CDC40: variants seen among roughly 807,000 people sequenced by gnomAD.
CDC40 encodes the protein pre-mRNA-processing factor 17.
CDC40 carries 27 observed loss-of-function variants against 80.6 expected under a neutral mutation model. The ratio of observed to expected loss-of-function variants is 0.33; its 90% CI spans 0.25 to 0.46. The LOEUF is 0.46. Ranked by LOEUF, CDC40 falls within the 20% of genes least tolerant of loss-of-function variation. The pLI, the probability that CDC40 is intolerant of heterozygous loss-of-function variation, is 1.00. For synonymous variants in CDC40, 221 were observed against 232.6 expected (o/e 0.95, Z 0.45); for missense variants, 486 against 694.1 (o/e 0.70, Z 3.37).
intron 14 of CDC40, 146 bp downstream of exon 14, chr6:110,229,122 A>G (rs1422103782): frequency 1.3e-6 from 1 of 779,538 alleles, no homozygotes; most frequent in African/African-American, 1.9e-5. Context: ...AATGCTGGAT[A>G]TAAAGGCAAG....
chr6:110,219,424 A>T lies in CDC40; in HGVS notation c.1151A>T (p.Asp384Val), dbSNP rs746280076. 1.9e-6 allele frequency: 3 copies of T among 1,611,014 alleles called. No homozygotes were observed. Among genetic ancestry groups the T allele is most frequent in the Non-Finnish European group, 2.5e-6 (3 of 1,177,432 alleles). Reference protein sequence around the residue: ...KVPYCVKFNPDEDKQNLFVAG... With the variant: ...KVPYCVKFNPVEDKQNLFVAG... The stretch of plus-strand genomic sequence containing the variant: ...CCTTATTGTGTCAAATTCAATCCTG[A>T]TGAAGATAAGCAAAATCTCTTTGTG... Residue 384 changes from aspartate to valine, a missense_variant, in exon 11 of 15, where the codon GAT (aspartate) becomes GTT (valine). By Grantham distance (152) the Asp-to-Val change is radical. Coordinates refer to ENST00000307731, the MANE Select transcript of CDC40 (RefSeq NM_015891.3).
intron 4 of CDC40, among the ~76,000 whole-genome samples, chr6:110,208,705 C>G (rs977366224): frequency 6.6e-6 from 1 of 152,100 alleles, no homozygotes; most frequent in Non-Finnish European, 1.5e-5. Context: ...TATTACTTAG[C>G]AATAATGAGT....
At chr6:110,198,185 T>C (rs1777443245) in intron 2 of CDC40, among the ~76,000 whole-genome samples, 1 of 151,734 alleles carries the variant, frequency 6.6e-6, no homozygotes, top group Non-Finnish European at 1.5e-5. Flanking sequence ...TTGACTTTTT[T>C]TTTTTTTTTT....
At chr6:110,208,086 G>A (rs925689383) in intron 4 of CDC40, among the ~76,000 whole-genome samples, 3 of 152,094 alleles carry the variant, frequency 2.0e-5, no homozygotes, top group South Asian at 2.1e-4. Context: ...AACATCATAC[G>A]CTAAACGCTA....
intron 13 of CDC40, 52 bp from the exon 14 acceptor site, chr6:110,228,780 T>C: frequency 7.0e-7 from 1 of 1,432,242 alleles, no homozygotes; most frequent in Non-Finnish European, 9.4e-7. Context: ...ATAAAAAGTT[T>C]TAAAAATTGT....
chr6:110,219,476 G>A lies in CDC40; in HGVS notation c.1203G>A (p.Val401=), dbSNP rs747663076. ...CTGGGATGTCTGATAAGAAGATTGTGCAAGTAAGTCTTTCACAGTATTTTG... is the reference window on the plus strand; with the variant it reads ...CTGGGATGTCTGATAAGAAGATTGTACAAGTAAGTCTTTCACAGTATTTTG... ...FVAGMSDKKI[V]QWDIRSGEIV... Residue 401 remains valine, a synonymous_variant, in exon 11 of 15, where the codon GTG becomes GTA. Transcript: ENST00000307731. 1 of 1,542,182 alleles carries A rather than the reference G, an allele frequency of 6.5e-7. No homozygotes were observed. Among genetic ancestry groups the A allele is most frequent in the East Asian group, 2.2e-5 (1 of 44,484 alleles).
chr6:110,224,493 A>G (rs929951910), intron 12 of CDC40: 10 of 152,206 alleles, frequency 6.6e-5, no homozygotes, highest in African/African-American at 1.2e-4. Flanking sequence ...GCTTCAAGCA[A>G]TTCTCCTGCC....
chr6:110,212,324 A>G, intron 7 of CDC40, 52 bp downstream of exon 7: 2 of 1,585,576 alleles, frequency 1.3e-6, no homozygotes, highest in Non-Finnish European at 1.7e-6. Context: ...AATGAAGCCA[A>G]CGTAAAGTTT....
At chr6:110,207,314 CAAAAAAAAAAAAAA>C (rs869177206) in intron 3 of CDC40, among the ~76,000 whole-genome samples, 178 bp from the exon 4 acceptor site, 1 of 52,526 alleles carries the variant, frequency 1.9e-5, no homozygotes, top group Non-Finnish European at 4.4e-5. Context: ...GACCCTATCT[CAAAAAAAAAAAAAA>C]AAAAAAAAAG....
intron 2 of CDC40, among the ~76,000 whole-genome samples, chr6:110,196,410 G>A (rs113790110): frequency 0.045 from 6,875 of 152,178 alleles, 236 homozygotes; most frequent in Non-Finnish European, 0.066. Context: ...GATAGAACTC[G>A]AAGACATAGT....
At chr6:110,186,334 C>T (rs745547579) in intron 1 of CDC40, among the ~76,000 whole-genome samples, 14 of 151,972 alleles carry the variant, frequency 9.2e-5, no homozygotes, top group Non-Finnish European at 1.9e-4. Flanking sequence ...AGAAAAAATA[C>T]AAAAATTAGC....
intron 1 of CDC40, among the ~76,000 whole-genome samples, chr6:110,182,547 G>A (rs56000341): frequency 2.6e-5 from 4 of 152,316 alleles, no homozygotes; most frequent in Non-Finnish European, 4.4e-5. Flanking sequence ...CTCAGCCCCT[G>A]AAGCTAGTCA....
chr6:110,204,757 TCAGG>T (rs987465896), intron 3 of CDC40, among the ~76,000 whole-genome samples: 45 of 151,464 alleles, frequency 3.0e-4, no homozygotes, highest in African/African-American at 1.0e-3. Flanking sequence ...CCTCTGGGGT[TCAGG>T]CAATTCTCAT....
chr6:110,219,672 A>G (rs1777743576), intron 11 of CDC40, 64 bp from the exon 12 acceptor site: 2 of 1,544,334 alleles, frequency 1.3e-6, no homozygotes, highest in Non-Finnish European at 1.8e-6. Context: ...CACTTTCCAG[A>G]ATTATGGTCT....
chr6:110,183,757 T>G (rs902537486), intron 1 of CDC40, among the ~76,000 whole-genome samples: 3 of 152,254 alleles, frequency 2.0e-5, no homozygotes, highest in Non-Finnish European at 4.4e-5. Flanking sequence ...GAGAATACAT[T>G]TTTGCAGCGT....
chr6:110,187,728 G>A (rs1405405530), intron 1 of CDC40, among the ~76,000 whole-genome samples: 1 of 152,156 alleles, frequency 6.6e-6, no homozygotes, highest in African/African-American at 2.4e-5. Flanking sequence ...ATGTGGAAAA[G>A]ACTGAAAAGT....
rs1206745879 is a variant in CDC40 at position 110,193,228 on chromosome 6, T to C, written c.236T>C (p.Val79Ala). ...CACCTTGACCCTGCCGTCAAAGAAG[T>C]TCAGTATAATCCTACCTATGAGACC... ...GVHLDPAVKE[V>A]QYNPTYETMF... is the part of the protein sequence containing the mutation. Residue 79 changes from valine (V) to alanine (A), a missense_variant, in exon 2 of 15, where the codon GTT becomes GCT. Val to Ala is a moderately conservative substitution (Grantham distance 64, BLOSUM62 0). Coordinates refer to ENST00000307731, the MANE Select transcript of CDC40 (RefSeq NM_015891.3). 6.2e-7 allele frequency: 1 copy of C among 1,609,962 alleles called. No homozygotes were observed. Among genetic ancestry groups the C allele is most frequent in the African/African-American group, 1.3e-5 (1 of 74,824 alleles).
intron 1 of CDC40, among the ~76,000 whole-genome samples, chr6:110,185,241 CTTTT>C (rs1227694611): frequency 1.6e-5 from 2 of 124,030 alleles, no homozygotes; most frequent in Non-Finnish European, 3.3e-5. Context: ...ATCTTTTTTT[CTTTT>C]TTTTTTTTTT....
chr6:110,221,143 T>C (rs1777770813), intron 12 of CDC40, among the ~76,000 whole-genome samples: 1 of 152,216 alleles, frequency 6.6e-6, no homozygotes, highest in Non-Finnish European at 1.5e-5. Context: ...GCAAAAAAAA[T>C]GCTTACTAAC....
Sources: gnomAD v4.1 joint callset for allele counts (sites outside exome capture counted in the v4.1 genomes callset) on GRCh38, gnomAD v4.1.1 for gene constraint, MANE v1.5 for transcripts, NCBI Gene and HGNC (gene_info 2026-07-23, HGNC 2026-07-21) for gene names.